The following KIF1A variants were observed in gnomAD, a reference collection of about 807,000 sequenced individuals.
The protein encoded by KIF1A is kinesin-like protein KIF1A.
A neutral mutation model predicts 227.3 loss-of-function variants in KIF1A; 46 were observed. The ratio of observed to expected loss-of-function variants is 0.20; its 90% CI spans 0.16 to 0.26. KIF1A has a LOEUF of 0.26. Ranked by LOEUF, KIF1A falls within the 10% of genes least tolerant of loss-of-function variation. KIF1A has a pLI of 1.00. For synonymous variants in KIF1A, 1,022 were observed against 1,012.8 expected (o/e 1.01, Z -0.17); for missense variants, 1,683 against 2,485.9 (o/e 0.68, Z 6.87).
intron 33 of KIF1A, 45 bp from the exon 34 acceptor site, chr2:240,743,029 G>A (rs372511329): frequency 1.9e-4 from 281 of 1,514,864 alleles, no homozygotes; most frequent in African/African-American, 2.7e-4. Context: ...GACCCTGGGC[G>A]GGAGGGGTCA....
rs74002931 is a variant in KIF1A, at chr2:240,792,266, T to C, written c.107-2954A>G. Among the ~76,000 whole-genome samples the C allele has an allele frequency of 9.8e-3, 1,495 of 152,154 alleles. 29 individuals carry two copies. The highest frequency in any genetic ancestry group is 0.034 in the African/African-American group (1,413 of 41,498). ...CCGATTCTGCTGGAGAAAGGGCTTT[T>C]TTTGCCAGGGTCTGGAATTTTTTCC... On this transcript the variant is annotated intron_variant, in intron 2 of 48. Coordinates refer to ENST00000498729, the MANE Select transcript of KIF1A (RefSeq NM_001244008.2). The surrounding 1 kb of genome is among the most constrained non-coding windows in gnomAD (Gnocchi z 4.5).
At chr2:240,783,247 G>T in intron 8 of KIF1A, 138 bp from the exon 9 acceptor site, 1 of 739,762 alleles carries the variant, frequency 1.4e-6, no homozygotes, top group South Asian at 1.5e-5. Flanking sequence ...GGCCACTTGG[G>T]CGTGGGGTGC....
intron 44 of KIF1A, among the ~76,000 whole-genome samples, chr2:240,721,594 C>A (rs569441279): frequency 6.6e-6 from 1 of 152,196 alleles, no homozygotes; most frequent in Non-Finnish European, 1.5e-5. Context: ...AGGACCCACC[C>A]GGCCCCTCAC....
Position 240,767,029 on chromosome 2 carries a change from G to C in KIF1A, c.1578-8C>G. ...CCATCCTCCCTGCCCACTCTGCGGG[G>C]TGGGGGCACCATCAGCACGGCAGCT... is the stretch of plus-strand genomic sequence containing the variant. On this transcript the variant is annotated splice_polypyrimidine_tract_variant and splice_region_variant and intron_variant, in intron 18 of 48. Coordinates refer to ENST00000498729, the MANE Select transcript of KIF1A (RefSeq NM_001244008.2). 6.3e-7 allele frequency: 1 copy of C among 1,597,972 alleles called. No homozygotes were observed. Among genetic ancestry groups the C allele is most frequent in the Non-Finnish European group, 8.5e-7 (1 of 1,170,132 alleles).
At chr2:240,779,382 T>TCACTCAGTTCCTCATAGTTCCA (rs1266415449) in intron 10 of KIF1A, among the ~76,000 whole-genome samples, 1 of 140,440 alleles carries the variant, frequency 7.1e-6, no homozygotes, top group East Asian at 2.2e-4. Context: ...ACTCAGTTCC[T>TCACTCAGTTCCTCATAGTTCCA]CATAGTTCCA....
chr2:240,769,037 C>A, intron 17 of KIF1A, 96 bp downstream of exon 17: 1 of 1,101,288 alleles, frequency 9.1e-7, no homozygotes, highest in Non-Finnish European at 1.4e-6. Context: ...CCGTGCTCCC[C>A]TACTTCCAGG....
rs2051091768 is a variant in KIF1A at position 240,765,738 on chromosome 2, T to C, written c.1740A>G (p.Lys580=). 6.2e-7 allele frequency: 1 copy of C among 1,613,670 alleles called. No individual in the cohort carries two copies. The highest frequency in any genetic ancestry group is 1.7e-5 in the Admixed American group (1 of 60,008). The stretch of plus-strand genomic sequence containing the variant: ...AACGCAGGATGCTGGGCTCTGTGAC[T>C]TTCTTGCCATTGACGTAGGTGTCTG... ...EGADTYVNGK[K]VTEPSILRSG... The change falls in exon 20 of 49, where the codon AAA becomes AAG. Residue 580 remains lysine, a synonymous_variant. Transcript: ENST00000498729.
rs562109203 is a variant in KIF1A, at chr2:240,717,255, C to A, written c.*109G>T. On this transcript the variant is annotated 3_prime_UTR_variant, in exon 49 of 49. Transcript: ENST00000498729. ...ATGGGCGTCCCCTGGGGGGTCGACC[C>A]GGTCGTGGGCTGTCTGGCAGGAGAG... The A allele has an allele frequency of 2.7e-6, 3 of 1,107,764 alleles. No individual in the cohort carries two copies. The highest frequency in any genetic ancestry group is 1.8e-5 in the Admixed American group (1 of 54,870). 68.6% of individuals were successfully genotyped at this position (1,107,764 alleles called of 1,614,324 possible).
At chr2:240,724,157 G>A in intron 40 of KIF1A, 121 bp from the exon 41 acceptor site, 2 of 841,802 alleles carry the variant, frequency 2.4e-6, no homozygotes, top group Non-Finnish European at 4.1e-6. Context: ...GGGTGATGGG[G>A]TGTTGAGGTC....
Position 240,723,958 on chromosome 2 carries a change from G to T in KIF1A, c.4318+17C>A. On this transcript the variant is annotated intron_variant, in intron 41 of 48. Coordinates refer to ENST00000498729, the MANE Select transcript of KIF1A (RefSeq NM_001244008.2). ...CAGGCCAGGAACCCACCCAGTGAGAGCAGGGCAGATACCTACCTGGGCTGC... is the reference window on the plus strand; with the variant it reads ...CAGGCCAGGAACCCACCCAGTGAGATCAGGGCAGATACCTACCTGGGCTGC... The T allele has an allele frequency of 6.2e-7, 1 of 1,607,720 alleles. No individual in the cohort carries two copies. Among genetic ancestry groups the T allele is most frequent in the Non-Finnish European group, 8.5e-7 (1 of 1,175,310 alleles).
rs1169546329 is a variant in KIF1A, at chr2:240,736,142, G to A, written c.4007+921C>T. 6.6e-6 allele frequency among the ~76,000 whole-genome samples: 1 copy of A among 152,134 alleles called. No individual in the cohort carries two copies. The highest frequency in any genetic ancestry group is 1.5e-5 in the Non-Finnish European group (1 of 68,026). ...TGTGTGGACCCAAGTCAGAAGAATA[G>A]GAGACGACGCCCGCCAGGACCCTCC... On this transcript the variant is annotated intron_variant, in intron 38 of 48. Transcript: ENST00000498729. This position sits in a 1 kb window ranked among gnomAD's most constrained non-coding sequence, Gnocchi z 4.7.
chr2:240,731,884 T>TGAGGGGAG (rs557888217), intron 38 of KIF1A, among the ~76,000 whole-genome samples: 1 of 32,318 alleles, frequency 3.1e-5, no homozygotes, highest in Admixed American at 2.9e-4. Flanking sequence ...GGGTAAGGGA[T>TGAGGGGAG]GAGGGGAGGA....
At chr2:240,722,017 G>C (rs887286101) in intron 43 of KIF1A, 133 bp from the exon 44 acceptor site, 1 of 696,910 alleles carries the variant, frequency 1.4e-6, no homozygotes, top group Non-Finnish European at 2.5e-6. Flanking sequence ...GGGTCAAGGT[G>C]GGCAGCACCT....
chr2:240,805,597 T>A (rs2126196628), intron 1 of KIF1A, among the ~76,000 whole-genome samples: 1 of 152,322 alleles, frequency 6.6e-6, no homozygotes, highest in South Asian at 2.1e-4. Flanking sequence ...AGCAGATATA[T>A]AATTAATAAG....
At chr2:240,743,627 C>T (rs1206161986) in intron 33 of KIF1A, among the ~76,000 whole-genome samples, 1 of 152,178 alleles carries the variant, frequency 6.6e-6, no homozygotes, top group Non-Finnish European at 1.5e-5. Flanking sequence ...CGGTGGGCAG[C>T]AGAAGTGGTC....
chr2:240,816,149 A>AGTGTGTGT (rs71282124), intron 1 of KIF1A, among the ~76,000 whole-genome samples: 2,458 of 150,486 alleles, frequency 0.016, 61 homozygotes, highest in African/African-American at 0.046. Context: ...AGGGATGCAG[A>AGTGTGTGT]GTGTGTGTGT....
At position 240,740,497 on chromosome 2, in the gene KIF1A, A is replaced by G; in HGVS notation, c.3750-133T>C. The G allele has an allele frequency of 4.1e-6, 3 of 728,228 alleles. No individual in the cohort carries two copies. The Admixed American group carries it at 7.0e-5, about 17-fold the overall frequency. The allele number at this position is 728,228 out of a possible 1,614,324, so 45.1% of individuals were successfully genotyped here. A position where few individuals can be genotyped will look rare whatever the true frequency, so the allele number is the denominator to read the frequency against. The stretch of plus-strand genomic sequence containing the variant: ...CCTCTGGTGAAGATCAGGTGGTCTG[A>G]TCCATGGAGACCACGGTCAGCTGAG... On this transcript the variant is annotated intron_variant, in intron 35 of 48. Coordinates refer to ENST00000498729, the MANE Select transcript of KIF1A (RefSeq NM_001244008.2). This position sits in a 1 kb window ranked among gnomAD's most constrained non-coding sequence, Gnocchi z 6.1.
chr2:240,719,324 T>C, intron 46 of KIF1A, 126 bp from the exon 47 acceptor site: 1 of 1,117,148 alleles, frequency 9.0e-7, no homozygotes, highest in Non-Finnish European at 1.2e-6. Context: ...AGAAAGTGGG[T>C]CGAGGCATCG....
Position 240,742,970 on chromosome 2 carries a change from G to A in KIF1A, c.3599C>T (p.Ser1200Leu), listed in dbSNP as rs763750448. The change falls in exon 34 of 49, where the codon TCG becomes TTG. Residue 1200 changes from serine (S) to leucine (L), a missense_variant. Physicochemically the swap from Ser to Leu is moderately radical, Grantham distance 145. This residue lies in a region of KIF1A where 759 missense variants were observed against 1,020.2 expected (regional missense o/e 0.74). Transcript: ENST00000498729. ...CKDVLSPLRP[S>L]RRHFPRVMPL... The stretch of plus-strand genomic sequence containing the variant: ...CATGACCCGAGGGAAGTGGCGGCGC[G>A]AGGGCCTCAGGGGGCTGTGGAGAAA... 221 of 1,610,942 alleles carry A rather than the reference G, an allele frequency of 1.4e-4. No homozygotes were observed. The highest frequency in any genetic ancestry group is 1.7e-4 in the Non-Finnish European group (196 of 1,178,524).
Sources: gnomAD v4.1 joint callset for allele counts (sites outside exome capture counted in the v4.1 genomes callset) on GRCh38, gnomAD v4.1.1 for gene constraint, gnomAD v4.1.1 regional missense constraint, Gnocchi (gnomAD v3.1) non-coding constraint, MANE v1.5 for transcripts, NCBI Gene and HGNC (gene_info 2026-07-23, HGNC 2026-07-21) for gene names.